Variants in CYRIB observed in about 807,000 individuals in gnomAD.
CYRIB encodes the protein CYFIP related Rac1 interactor B.
CYRIB carries 8 observed loss-of-function variants against 44.2 expected under a neutral mutation model. The observed-to-expected ratio is 0.18, with a 90% CI of 0.11 to 0.33. The LOEUF (loss-of-function observed/expected upper bound fraction) is 0.33, where lower values mean the gene tolerates loss of function less well. CYRIB is among the 10% of genes least tolerant of loss of function. The pLI is 1.00. For synonymous variants in CYRIB, 131 were observed against 127.2 expected, an observed-to-expected ratio of 1.03 and a Z score of -0.20; for missense variants, 185 against 382.8, an observed-to-expected ratio of 0.48 and a Z score of 4.31.
intron 1 of CYRIB, among the ~76,000 whole-genome samples, chr8:129,977,720 G>C (rs1018238982): frequency 1.3e-5 from 2 of 152,072 alleles, no homozygotes; most frequent in Non-Finnish European, 2.9e-5. Context: ...TTTTAGTAGA[G>C]ATGGGGTTTC....
intron 1 of CYRIB, among the ~76,000 whole-genome samples, chr8:129,982,551 T>C (rs2096276332): frequency 6.6e-6 from 1 of 152,230 alleles, no homozygotes; most frequent in South Asian, 2.1e-4. Context: ...ATCCAAGTCC[T>C]GACTCATTTA....
Position 129,897,057 on chromosome 8 carries a change from T to C in CYRIB, c.-11+6255A>G, listed in dbSNP as rs376283065. On this transcript the variant is annotated intron_variant, in intron 2 of 11. Transcript: ENST00000519824. The stretch of plus-strand genomic sequence containing the variant: ...TGACTAGGGGCTCTTCTCAACACTA[T>C]AGTCACTGTGAAGAGTGAAAGACAA... Among the ~76,000 whole-genome samples, 206 of 152,308 alleles carry C rather than the reference T, an allele frequency of 1.4e-3. 1 individual carries two copies. The highest frequency in any genetic ancestry group is 0.012 in the South Asian group (59 of 4,828).
chr8:130,013,124 T>G (rs1006747797), intron 1 of CYRIB, among the ~76,000 whole-genome samples: 1 of 152,224 alleles, frequency 6.6e-6, no homozygotes, highest in Non-Finnish European at 1.5e-5. Flanking sequence ...CAAACAGTGA[T>G]TATTACTGTT....
intron 1 of CYRIB, among the ~76,000 whole-genome samples, chr8:129,936,718 T>G (rs1329698150): frequency 6.6e-6 from 1 of 150,376 alleles, no homozygotes; most frequent in African/African-American, 2.5e-5. Context: ...TTTTTTTTTT[T>G]TTTTTTGAGA....
chr8:129,929,933 C>T (rs1165726014), intron 1 of CYRIB, among the ~76,000 whole-genome samples: 3 of 152,094 alleles, frequency 2.0e-5, no homozygotes, highest in Non-Finnish European at 2.9e-5. Flanking sequence ...ACAAAACTGG[C>T]GAGGTGCGGT....
chr8:129,848,310 T>C (rs188170307), intron 10 of CYRIB, among the ~76,000 whole-genome samples: 1 of 152,302 alleles, frequency 6.6e-6, no homozygotes, highest in East Asian at 1.9e-4. Flanking sequence ...TAGTAATCAG[T>C]AATCGAGATC....
chr8:129,843,570 T>C (rs1279975184), intron 11 of CYRIB, among the ~76,000 whole-genome samples: 2 of 152,184 alleles, frequency 1.3e-5, no homozygotes, highest in East Asian at 1.9e-4. Flanking sequence ...TCTTAAGGAC[T>C]AGATCGTTTT....
At chr8:129,958,608 G>A (rs1313591657) in intron 2 of CYRIB, among the ~76,000 whole-genome samples, 1 of 152,032 alleles carries the variant, frequency 6.6e-6, no homozygotes. Flanking sequence ...AAGTCAAAAG[G>A]GGAGAGAAAC....
chr8:129,859,667 C>T (rs1294615951), intron 5 of CYRIB, among the ~76,000 whole-genome samples: 1 of 152,212 alleles, frequency 6.6e-6, no homozygotes, highest in Non-Finnish European at 1.5e-5. Flanking sequence ...GGTCACTCCT[C>T]ACTATGTCCC....
At chr8:129,972,613 C>T (rs2095750478) in intron 1 of CYRIB, among the ~76,000 whole-genome samples, 1 of 152,046 alleles carries the variant, frequency 6.6e-6, no homozygotes, top group African/African-American at 2.4e-5. Flanking sequence ...ATACTGCATA[C>T]TCACAAACTA....
chr8:129,851,223 TC>T (rs2043076037), intron 8 of CYRIB: 1 of 290,160 alleles, frequency 3.4e-6, no homozygotes, highest in Non-Finnish European at 6.5e-6. Context: ...TTGGATTTTA[TC>T]CTAAGGGTAC....
intron 5 of CYRIB, among the ~76,000 whole-genome samples, chr8:129,859,146 G>A (rs948321239): frequency 2.6e-5 from 4 of 152,180 alleles, no homozygotes; most frequent in African/African-American, 9.6e-5. Flanking sequence ...TGATAGGGAA[G>A]GCCACATGGG....
At chr8:129,919,024 A>C (rs1259555595) in intron 1 of CYRIB, among the ~76,000 whole-genome samples, 1 of 152,184 alleles carries the variant, frequency 6.6e-6, no homozygotes, top group African/African-American at 2.4e-5. Flanking sequence ...ATAGTTTTTA[A>C]ATTATTTTAT....
chr8:129,977,042 A>G (rs2095962334), intron 1 of CYRIB, among the ~76,000 whole-genome samples: 1 of 152,230 alleles, frequency 6.6e-6, no homozygotes, highest in South Asian at 2.1e-4. Flanking sequence ...GGGTTTCACC[A>G]TGTTGGCCAG....
At chr8:129,934,658 G>A (rs2092445915) in intron 1 of CYRIB, among the ~76,000 whole-genome samples, 2 of 152,060 alleles carry the variant, frequency 1.3e-5, no homozygotes, top group African/African-American at 4.8e-5. Flanking sequence ...AAATAATGAA[G>A]GAATTCTTAA....
At chr8:129,932,602 C>T (rs1590254248) in intron 1 of CYRIB, among the ~76,000 whole-genome samples, 1 of 152,100 alleles carries the variant, frequency 6.6e-6, no homozygotes, top group East Asian at 1.9e-4. Flanking sequence ...AATAATCTGC[C>T]CTTGATCTTT....
rs58579296 is a variant in CYRIB at position 129,852,412 on chromosome 8, CT to C, written c.517-135del. ...CATGTATCGATAATACTCAAATATT[CT>C]TTTTAAAAAAAAGTTATTTTTTTTA... On this transcript the variant is annotated intron_variant, in intron 7 of 11. Transcript: ENST00000519824. 1,727 of 423,068 alleles carry C rather than the reference CT, an allele frequency of 4.1e-3. 29 individuals are homozygous for C. Among genetic ancestry groups the C allele is most frequent in the African/African-American group, 0.033 (1,596 of 48,900 alleles). The allele number at this position is 423,068 out of a possible 1,614,324, so 26.2% of individuals were successfully genotyped here.
At chr8:129,970,473 G>GC (rs1428990035) in intron 2 of CYRIB, 1 of 149,470 alleles carries the variant, frequency 6.7e-6, no homozygotes, top group Non-Finnish European at 1.5e-5. Flanking sequence ...AGGCTGGAGT[G>GC]CAGCGGCGCA....
At chr8:129,912,705 G>A (rs1245867837) in intron 1 of CYRIB, among the ~76,000 whole-genome samples, 1 of 151,832 alleles carries the variant, frequency 6.6e-6, no homozygotes, top group Non-Finnish European at 1.5e-5. Context: ...GGATGCCCAG[G>A]CTGGGGCTTT....
Sources: allele counts gnomAD v4.1 joint callset (sites outside exome capture counted in the v4.1 genomes callset), GRCh38; gene constraint gnomAD v4.1.1; transcripts MANE v1.5; gene names NCBI Gene and HGNC (gene_info 2026-07-23, HGNC 2026-07-21).